Variants in KANK1 observed in about 807,000 individuals in gnomAD.
KANK1 encodes KN motif and ankyrin repeat domains 1, also known as KN motif and ankyrin repeat domain-containing protein 1.
In KANK1, 109 loss-of-function variants were observed where a neutral mutation model predicts 106.2. The ratio of observed to expected loss-of-function variants is 1.03; its 90% CI spans 0.88 to 1.20. The LOEUF (loss-of-function observed/expected upper bound fraction) is 1.20. Among genes scored for constraint, KANK1 ranks in the 50% most tolerant of loss-of-function variants. The probability of loss-of-function intolerance (pLI) is 0.00; values close to 1 mark genes in which losing one functional copy is unlikely to be tolerated. For synonymous variants in KANK1, 873 were observed against 652.2 expected (o/e 1.34, Z -5.16); for missense variants, 2,399 against 1,710.7 (o/e 1.40, Z -7.10).
At chr9:736,239 A>G (rs1833776971) in intron 7 of KANK1, among the ~76,000 whole-genome samples, 2 of 152,116 alleles carry the variant, frequency 1.3e-5, no homozygotes, top group Admixed American at 1.3e-4. Flanking sequence ...ATTTACAGGC[A>G]TGACCCACCG....
intron 1 of KANK1, among the ~76,000 whole-genome samples, chr9:630,808 C>T (rs1266111351): frequency 4.0e-5 from 6 of 151,856 alleles, no homozygotes; most frequent in Non-Finnish European, 8.8e-5. Context: ...GAGGCTGAGG[C>T]ACGAGAATCA....
At chr9:537,810 C>G (rs987909611) in intron 1 of KANK1, among the ~76,000 whole-genome samples, 3 of 152,166 alleles carry the variant, frequency 2.0e-5, no homozygotes, top group Non-Finnish European at 2.9e-5. Context: ...TAGCCCACAA[C>G]AAAGAGTTAT....
At chr9:474,623 A>G (rs1442909387) in intron 3 of KANK1, among the ~76,000 whole-genome samples, 2 of 152,084 alleles carry the variant, frequency 1.3e-5, no homozygotes, top group African/African-American at 2.4e-5. Context: ...TGTAATTTCT[A>G]TGCCTTCCCT....
intron 1 of KANK1, among the ~76,000 whole-genome samples, chr9:510,112 C>T (rs2058966623): frequency 6.6e-6 from 1 of 152,062 alleles, no homozygotes; most frequent in East Asian, 1.9e-4. Flanking sequence ...TGCACCCAGT[C>T]TAAGAAATCT....
rs746857306 is a variant in KANK1 at position 622,024 on chromosome 9, C to T, written c.-83-54866C>T. 2.0e-5 allele frequency among the ~76,000 whole-genome samples: 3 copies of T among 152,106 alleles called. 1 individual carries two copies. In the South Asian group the frequency reaches 6.2e-4, roughly 32 times the overall value. Reference sequence around the variant, plus strand: ...TTCATTAAAAATTTTTCCAGGTTTTCTTTAAACTGATAGGTTCAGGGTCTT... The same window carrying T: ...TTCATTAAAAATTTTTCCAGGTTTTTTTTAAACTGATAGGTTCAGGGTCTT... On this transcript the variant is annotated intron_variant, in intron 1 of 11. Coordinates refer to ENST00000382297, the MANE Select transcript of KANK1 (RefSeq NM_015158.5).
chr9:564,201 A>G (rs1563776018), intron 1 of KANK1, among the ~76,000 whole-genome samples: 1 of 151,808 alleles, frequency 6.6e-6, no homozygotes, highest in Non-Finnish European at 1.5e-5. Context: ...CTGGGATTAC[A>G]GACGCCCGCC....
In KANK1 at chr9:732,309, A is replaced by T. The variant is rs1015294998; in HGVS notation, c.3006-69A>T. On this transcript the variant is annotated intron_variant, in intron 5 of 11. Coordinates refer to ENST00000382297, the MANE Select transcript of KANK1 (RefSeq NM_015158.5). ...CTGGAGTCAATTAGCAAATCCCTTC[A>T]TAGAAATTTCTATCACTGGGTCTTC... 1.1e-4 allele frequency: 165 copies of T among 1,532,410 alleles called. No homozygotes were observed. The African/African-American group carries it at 2.0e-3, about 18-fold the overall frequency. 94.9% of individuals were successfully genotyped at this position (1,532,410 alleles called of 1,614,324 possible).
chr9:538,483 C>G (rs1459332608), intron 1 of KANK1, among the ~76,000 whole-genome samples: 2 of 152,182 alleles, frequency 1.3e-5, no homozygotes, highest in Non-Finnish European at 2.9e-5. Context: ...TTTGAGGATC[C>G]TAAGAGGCAC....
chr9:686,720 A>G (rs1331097811), intron 2 of KANK1: 3 of 975,062 alleles, frequency 3.1e-6, no homozygotes, highest in Non-Finnish European at 3.7e-6. Flanking sequence ...ATCACGTCAT[A>G]AGTGCAATGA....
intron 1 of KANK1, among the ~76,000 whole-genome samples, chr9:672,192 T>C (rs919187761): frequency 2.6e-5 from 4 of 152,194 alleles, no homozygotes; most frequent in Admixed American, 2.6e-4. Flanking sequence ...TCATACTAGC[T>C]GTGTGATGTG....
At chr9:648,306 C>G (rs192981983) in intron 1 of KANK1, among the ~76,000 whole-genome samples, 63 of 152,170 alleles carry the variant, frequency 4.1e-4, no homozygotes, top group African/African-American at 1.5e-3. Flanking sequence ...CTGGCCAGTT[C>G]TTTTCCTTTA....
At chr9:741,098 C>G (rs770270048) in intron 9 of KANK1, among the ~76,000 whole-genome samples, 164 bp downstream of exon 9, 3 of 152,230 alleles carry the variant, frequency 2.0e-5, no homozygotes, top group Non-Finnish European at 4.4e-5. Context: ...CCTTGCTGAC[C>G]AAACATACCA....
chr9:606,341 G>C (rs1415662779), intron 1 of KANK1, among the ~76,000 whole-genome samples: 1 of 138,860 alleles, frequency 7.2e-6, no homozygotes, highest in Non-Finnish European at 1.5e-5. Flanking sequence ...CAAATCACCT[G>C]AGGTCAGGAA....
At chr9:628,695 C>G (rs12337061) in intron 1 of KANK1, among the ~76,000 whole-genome samples, 23,697 of 152,094 alleles carry the variant, frequency 0.16, 2,028 homozygotes, top group Admixed American at 0.18. Flanking sequence ...GTTGAAACAT[C>G]CAAGGCTCTT....
chr9:556,430 G>T (rs1311904836), intron 1 of KANK1, among the ~76,000 whole-genome samples: 1 of 152,172 alleles, frequency 6.6e-6, no homozygotes, highest in Non-Finnish European at 1.5e-5. Flanking sequence ...GAGTCAGCCA[G>T]ATCCAGATCT....
intron 3 of KANK1, among the ~76,000 whole-genome samples, chr9:473,928 G>C (rs1282632876): frequency 4.6e-5 from 7 of 151,974 alleles, no homozygotes; most frequent in African/African-American, 7.3e-5. Context: ...TCGATCTCTT[G>C]ACCTTGTGAT....
intron 1 of KANK1, among the ~76,000 whole-genome samples, chr9:562,737 T>C (rs1160074629): frequency 1.3e-5 from 2 of 152,238 alleles, no homozygotes; most frequent in African/African-American, 2.4e-5. Context: ...AGACAACCGA[T>C]GCTAGTGGAG....
intron 2 of KANK1, among the ~76,000 whole-genome samples, chr9:679,118 A>G (rs1400920733): frequency 6.6e-6 from 1 of 152,142 alleles, no homozygotes; most frequent in African/African-American, 2.4e-5. Flanking sequence ...TTGAGGTTGA[A>G]GGCAAAAGAA....
chr9:494,450 C>T (rs2058428056), intron 3 of KANK1, among the ~76,000 whole-genome samples: 1 of 152,152 alleles, frequency 6.6e-6, no homozygotes, highest in Admixed American at 6.5e-5. Flanking sequence ...ACCACGCTAC[C>T]TCCAATAGTC....
Sources: allele counts gnomAD v4.1 joint callset (sites outside exome capture counted in the v4.1 genomes callset), GRCh38; gene constraint gnomAD v4.1.1; transcripts MANE v1.5; gene names NCBI Gene and HGNC (gene_info 2026-07-23, HGNC 2026-07-21).